ARID4B: variants seen among roughly 807,000 people sequenced by gnomAD.
The protein encoded by ARID4B is AT-rich interactive domain-containing protein 4B.
Under a neutral mutation model 147.5 loss-of-function variants are expected in ARID4B, and 26 were observed. The ratio of observed to expected loss-of-function variants is 0.18; its 90% CI spans 0.13 to 0.24. The LOEUF (loss-of-function observed/expected upper bound fraction) is 0.24, where lower values mean the gene tolerates loss of function less well. Ranked by LOEUF, ARID4B falls within the 10% of genes least tolerant of loss-of-function variation. The probability of loss-of-function intolerance (pLI) is 1.00; values close to 1 mark genes in which losing one functional copy is unlikely to be tolerated. For synonymous variants in ARID4B, 512 were observed against 507.9 expected, an observed-to-expected ratio of 1.01 and a Z score of -0.11; for missense variants, 1,179 against 1,511.5, an observed-to-expected ratio of 0.78 and a Z score of 3.65.
At chr1:235,182,909 CT>C in intron 19 of ARID4B, 116 bp from the exon 20 acceptor site, 1 of 929,160 alleles carries the variant, frequency 1.1e-6, no homozygotes, top group South Asian at 2.2e-5. Flanking sequence ...AGGTTGCTGG[CT>C]TTTATCTCTA....
At chr1:235,300,745 C>CTA (rs1328819639) in intron 2 of ARID4B, among the ~76,000 whole-genome samples, 2 of 152,132 alleles carry the variant, frequency 1.3e-5, no homozygotes, top group East Asian at 3.9e-4. Flanking sequence ...GAGTCTCGCT[C>CTA]TGTAGCCAGG....
chr1:235,303,872 A>T (rs1314075763), intron 2 of ARID4B, among the ~76,000 whole-genome samples: 1 of 152,234 alleles, frequency 6.6e-6, no homozygotes, highest in African/African-American at 2.4e-5. Flanking sequence ...ATTATTAGAA[A>T]TTGGTTATTT....
chr1:235,179,526 A>C (rs1472982751), intron 20 of ARID4B, among the ~76,000 whole-genome samples: 1 of 45,602 alleles, frequency 2.2e-5, no homozygotes, highest in Non-Finnish European at 4.2e-5. Flanking sequence ...TCTATGTCTC[A>C]AAAAAAAAAA....
At chr1:235,201,330 C>T (rs1038416730) in intron 17 of ARID4B, among the ~76,000 whole-genome samples, 1 of 145,486 alleles carries the variant, frequency 6.9e-6, no homozygotes, top group Non-Finnish European at 1.5e-5. Context: ...CGAGAATCTT[C>T]TTTTTTTTTT....
chr1:235,277,546 A>ATAATAAT (rs199936355), intron 2 of ARID4B, among the ~76,000 whole-genome samples: 9 of 141,200 alleles, frequency 6.4e-5, no homozygotes, highest in African/African-American at 1.3e-4. Context: ...CAAAAAAAAA[A>ATAATAAT]AAAAATAATA....
intron 19 of ARID4B, among the ~76,000 whole-genome samples, chr1:235,193,338 A>C (rs553227076): frequency 6.6e-6 from 1 of 152,290 alleles, no homozygotes; most frequent in East Asian, 1.9e-4. Context: ...TTGAGGCTGA[A>C]GTGAGCTGAG....
chr1:235,313,763 T>C (rs1314444182), intron 2 of ARID4B, among the ~76,000 whole-genome samples: 1 of 152,138 alleles, frequency 6.6e-6, no homozygotes, highest in African/African-American at 2.4e-5. Flanking sequence ...AAGAGAAGCT[T>C]CTGCATCAGT....
chr1:235,327,117 G>C, intron 1 of ARID4B, 149 bp from the exon 2 acceptor site: 1 of 595,342 alleles, frequency 1.7e-6, no homozygotes, highest in Non-Finnish European at 3.0e-6. Context: ...GCCGACTCGG[G>C]GCTCCCTCCG....
chr1:235,167,095 A>C lies in ARID4B; in HGVS notation c.*1430T>G. 5.3e-6 allele frequency: 1 copy of C among 188,878 alleles called. No homozygotes were observed. The highest frequency in any genetic ancestry group is 8.5e-5 in the East Asian group (1 of 11,758). 11.7% of individuals were successfully genotyped at this position (188,878 alleles called of 1,614,324 possible). A position where few individuals can be genotyped will look rare whatever the true frequency, so the allele number is the denominator to read the frequency against. On this transcript the variant is annotated 3_prime_UTR_variant, in exon 24 of 24. Transcript: ENST00000264183. ...TGAATAACTTGAAACCATTTTCAACAAAATTAGTTACTGTAAGCACACACT... is the reference window on the plus strand; with the variant it reads ...TGAATAACTTGAAACCATTTTCAACCAAATTAGTTACTGTAAGCACACACT...
chr1:235,244,717 C>T (rs1669193167), intron 7 of ARID4B, among the ~76,000 whole-genome samples: 1 of 152,126 alleles, frequency 6.6e-6, no homozygotes, highest in Non-Finnish European at 1.5e-5. Context: ...GAAGAGATAA[C>T]TTTACATATC....
intron 2 of ARID4B, among the ~76,000 whole-genome samples, chr1:235,265,374 A>G (rs950803211): frequency 1.6e-4 from 24 of 151,928 alleles, no homozygotes; most frequent in Non-Finnish European, 2.9e-4. Context: ...TCAAAAAAAA[A>G]AAAAAGTCAG....
At chr1:235,277,597 TG>T (rs1671408134) in intron 2 of ARID4B, among the ~76,000 whole-genome samples, 1 of 848 alleles carries the variant, frequency 1.2e-3, no homozygotes, top group Admixed American at 0.018. Context: ...CCTTATATTG[TG>T]TGTGTGTGTG....
chr1:235,245,086 C>A (rs189350830), intron 7 of ARID4B, among the ~76,000 whole-genome samples: 22 of 152,292 alleles, frequency 1.4e-4, no homozygotes, highest in African/African-American at 5.1e-4. Context: ...CATTCCTACA[C>A]TAGTAATCTT....
chr1:235,207,970 A>AC (rs1666432806), intron 17 of ARID4B, among the ~76,000 whole-genome samples: 2 of 152,210 alleles, frequency 1.3e-5, no homozygotes, highest in Admixed American at 1.3e-4. Context: ...CTTATTTAAG[A>AC]GTTTTACAAC....
intron 2 of ARID4B, among the ~76,000 whole-genome samples, chr1:235,312,429 G>T (rs1195476315): frequency 1.3e-5 from 2 of 152,130 alleles, no homozygotes; most frequent in East Asian, 3.8e-4. Flanking sequence ...AAAAACTGTT[G>T]AATCAAGTTA....
intron 19 of ARID4B, among the ~76,000 whole-genome samples, chr1:235,190,869 A>C (rs185654839): frequency 1.3e-5 from 2 of 152,330 alleles, no homozygotes; most frequent in African/African-American, 4.8e-5. Context: ...TGTGCAACAG[A>C]TATAGAGGGA....
At chr1:235,304,846 T>G (rs1326062676) in intron 2 of ARID4B, among the ~76,000 whole-genome samples, 3 of 152,218 alleles carry the variant, frequency 2.0e-5, no homozygotes, top group Non-Finnish European at 4.4e-5. Context: ...AATTTCCATC[T>G]TCATAAAATT....
At chr1:235,221,886 A>ATTTTTTTTTTTTTTTTTT (rs768600040) in intron 13 of ARID4B, among the ~76,000 whole-genome samples, 3 of 53,632 alleles carry the variant, frequency 5.6e-5, no homozygotes, top group African/African-American at 1.7e-4. Context: ...TCATTTGACT[A>ATTTTTTTTTTTTTTTTTT]TTTTTTTTTT....
chr1:235,296,835 A>AAAG (rs1672763833), intron 2 of ARID4B, among the ~76,000 whole-genome samples: 2 of 19,632 alleles, frequency 1.0e-4, no homozygotes, highest in South Asian at 5.3e-3. Flanking sequence ...GGAAGGAAGG[A>AAAG]AGGGAGGAAG....
Sources: allele counts gnomAD v4.1 joint callset (sites outside exome capture counted in the v4.1 genomes callset), GRCh38; gene constraint gnomAD v4.1.1; transcripts MANE v1.5; gene names NCBI Gene and HGNC (gene_info 2026-07-23, HGNC 2026-07-21).